LRBA: variants seen among roughly 807,000 people sequenced by gnomAD.
LRBA encodes lipopolysaccharide-responsive and beige-like anchor protein.
In LRBA, 176 loss-of-function variants were observed where a neutral mutation model predicts 330.0. That is an observed-to-expected ratio of 0.53 (90% CI 0.47 to 0.60). The LOEUF (loss-of-function observed/expected upper bound fraction) is 0.60. Among genes scored for constraint, LRBA ranks in the 20% least tolerant of loss-of-function variants. The pLI is 0.00. For synonymous variants in LRBA, 1,230 were observed against 1,193.0 expected (o/e 1.03, Z -0.64); for missense variants, 3,259 against 3,444.8 (o/e 0.95, Z 1.35).
intron 36 of LRBA, among the ~76,000 whole-genome samples, chr4:150,699,767 G>A (rs1299070716): frequency 2.0e-5 from 3 of 152,138 alleles, no homozygotes; most frequent in Non-Finnish European, 4.4e-5. Flanking sequence ...ACAATGCCAA[G>A]ACTAGTCAAC....
intron 13 of LRBA, among the ~76,000 whole-genome samples, chr4:150,905,417 A>AAT (rs1157496639): frequency 6.6e-6 from 1 of 151,976 alleles, no homozygotes; most frequent in Non-Finnish European, 1.5e-5. Context: ...AAAAAGAAAA[A>AAT]ATATATATGG....
At chr4:150,803,668 C>T (rs1240011198) in intron 33 of LRBA, among the ~76,000 whole-genome samples, 1 of 152,096 alleles carries the variant, frequency 6.6e-6, no homozygotes, top group Non-Finnish European at 1.5e-5. Flanking sequence ...TTCTGTTTTA[C>T]AGTACATGAA....
intron 37 of LRBA, among the ~76,000 whole-genome samples, chr4:150,638,291 C>A (rs1047935626): frequency 6.6e-6 from 1 of 151,934 alleles, no homozygotes; most frequent in Non-Finnish European, 1.5e-5. Flanking sequence ...CCTACCAAAG[C>A]GCTGGGATTA....
intron 2 of LRBA, among the ~76,000 whole-genome samples, chr4:151,002,170 G>GT (rs1392567750): frequency 2.3e-5 from 2 of 88,760 alleles, no homozygotes; most frequent in African/African-American, 8.2e-5. Flanking sequence ...AGATATCAAT[G>GT]TAACGACAGA....
In LRBA at chr4:150,436,852, G is replaced by A; in HGVS notation, c.6793C>T (p.Leu2265=). 1 of 1,613,570 alleles carries A rather than the reference G, an allele frequency of 6.2e-7. No homozygotes were observed. The highest frequency in any genetic ancestry group is 8.5e-7 in the Non-Finnish European group (1 of 1,179,770). Residue 2265 remains leucine (L), a synonymous_variant, in exon 45 of 57, where the codon CTG becomes TTG. Transcript: ENST00000651943. ...FRDLSKPIGA[L]NPKRAAFFAE... ...AAGAATGCTGCTCTTTTTGGGTTCA[G>A]AGCTCCTATTGGCTGCCAATAGGGA...
chr4:150,601,852 C>T lies in LRBA; in HGVS notation c.5922-2721G>A, dbSNP rs558069057. Among the ~76,000 whole-genome samples, 12 of 152,016 alleles carry T rather than the reference C, an allele frequency of 7.9e-5. No individual in the cohort carries two copies. In the South Asian group the frequency reaches 2.1e-3, roughly 26 times the overall value. On this transcript the variant is annotated intron_variant, in intron 37 of 56. Coordinates refer to ENST00000651943, the MANE Select transcript of LRBA (RefSeq NM_001364905.1). ...GACTACAGGCGCCTGCCACCATGCCCGGCTAATTTTTTGTGTTTTTAGTAG... is the reference window on the plus strand; with the variant it reads ...GACTACAGGCGCCTGCCACCATGCCTGGCTAATTTTTTGTGTTTTTAGTAG...
intron 40 of LRBA, among the ~76,000 whole-genome samples, chr4:150,505,649 C>A (rs565318003): frequency 0.025 from 3,735 of 152,020 alleles, 128 homozygotes; most frequent in African/African-American, 0.08. Context: ...AAATTCACAC[C>A]CTAACATCAC....
chr4:150,785,771 C>T (rs988127148), intron 34 of LRBA, among the ~76,000 whole-genome samples: 2 of 152,112 alleles, frequency 1.3e-5, no homozygotes, highest in Non-Finnish European at 2.9e-5. Flanking sequence ...TATTTCTCAA[C>T]TACGGTAAAA....
chr4:150,474,138 G>T (rs1026867383), intron 42 of LRBA, among the ~76,000 whole-genome samples: 4 of 151,956 alleles, frequency 2.6e-5, no homozygotes, highest in Non-Finnish European at 5.9e-5. Context: ...AATATATTTT[G>T]AGTTAATTTT....
chr4:150,484,138 A>G (rs75596197), intron 42 of LRBA, among the ~76,000 whole-genome samples: 2 of 152,056 alleles, frequency 1.3e-5, no homozygotes, highest in African/African-American at 4.8e-5. Flanking sequence ...TGCAGTTCCT[A>G]TTTCTTGAAA....
At chr4:150,556,517 T>C (rs1257049639) in intron 40 of LRBA, among the ~76,000 whole-genome samples, 1 of 152,244 alleles carries the variant, frequency 6.6e-6, no homozygotes, top group Non-Finnish European at 1.5e-5. Flanking sequence ...TATACATAGT[T>C]ACACAGAATG....
At chr4:150,406,328 T>C (rs932366174) in intron 47 of LRBA, among the ~76,000 whole-genome samples, 1 of 152,166 alleles carries the variant, frequency 6.6e-6, no homozygotes, top group Non-Finnish European at 1.5e-5. Flanking sequence ...TATTGGATGC[T>C]ATCTGGATTG....
At chr4:150,941,581 C>T (rs982846503) in intron 2 of LRBA, among the ~76,000 whole-genome samples, 4 of 152,118 alleles carry the variant, frequency 2.6e-5, no homozygotes, top group Admixed American at 6.6e-5. Flanking sequence ...TATTTTCTTT[C>T]GGAACAAACA....
intron 35 of LRBA, among the ~76,000 whole-genome samples, chr4:150,736,953 C>T (rs577576250): frequency 3.9e-4 from 60 of 152,158 alleles, no homozygotes; most frequent in Non-Finnish European, 7.6e-4. Context: ...GTGGCTCACA[C>T]CTGTAATCCC....
intron 37 of LRBA, 150 bp downstream of exon 37, chr4:150,683,401 T>C (rs980609756): frequency 3.0e-6 from 2 of 658,374 alleles, no homozygotes; most frequent in Non-Finnish European, 5.4e-6. Flanking sequence ...GATTTTCTCC[T>C]TCCCTTTGGC....
At chr4:150,760,049 C>T (rs1057220776) in intron 35 of LRBA, among the ~76,000 whole-genome samples, 1 of 152,090 alleles carries the variant, frequency 6.6e-6, no homozygotes, top group African/African-American at 2.4e-5. Flanking sequence ...TCAATAAACA[C>T]TAAAAATTAT....
At chr4:150,550,425 A>G (rs1766441683) in intron 40 of LRBA, among the ~76,000 whole-genome samples, 1 of 152,222 alleles carries the variant, frequency 6.6e-6, no homozygotes, top group South Asian at 2.1e-4. Flanking sequence ...TATCTTAAAA[A>G]TGATTTAATT....
chr4:150,423,070 G>T, intron 46 of LRBA: 2 of 797,190 alleles, frequency 2.5e-6, no homozygotes, highest in Admixed American at 1.7e-5. Context: ...GTCACAGGTG[G>T]GTGTGACCTC....
chr4:150,785,391 T>C (rs1738903979), intron 34 of LRBA, among the ~76,000 whole-genome samples: 1 of 152,234 alleles, frequency 6.6e-6, no homozygotes, highest in African/African-American at 2.4e-5. Context: ...GAAAAATGTC[T>C]GGTAATATTT....
Sources: gnomAD v4.1 joint callset for allele counts (sites outside exome capture counted in the v4.1 genomes callset) on GRCh38, gnomAD v4.1.1 for gene constraint, MANE v1.5 for transcripts, NCBI Gene and HGNC (gene_info 2026-07-23, HGNC 2026-07-21) for gene names.